MYT1: variants seen among roughly 807,000 people sequenced by gnomAD.
MYT1 encodes the protein myelin transcription factor 1.
A neutral mutation model predicts 123.0 loss-of-function variants in MYT1; 23 were observed. The observed-to-expected ratio is 0.19, with a 90% CI of 0.13 to 0.26. The LOEUF (loss-of-function observed/expected upper bound fraction) is 0.26. Among genes scored for constraint, MYT1 ranks in the 10% least tolerant of loss-of-function variants. The pLI is 1.00. For synonymous variants in MYT1, 518 were observed against 575.3 expected (o/e 0.90, Z 1.43); for missense variants, 1,125 against 1,472.5 (o/e 0.76, Z 3.86).
intron 1 of MYT1, among the ~76,000 whole-genome samples, chr20:64,170,882 TATAGAGAGAGAGAGAG>T (rs1319727056): frequency 3.9e-4 from 16 of 41,350 alleles, no homozygotes; most frequent in East Asian, 9.8e-4. Flanking sequence ...TATATATATA[TATAGAGAGAGAGAGAG>T]AGAGAGAGAG....
rs1983540827 is a variant in MYT1 at position 64,207,987 on chromosome 20, A to T, written c.791A>T (p.Glu264Val). 1 of 1,596,508 alleles carries T rather than the reference A, an allele frequency of 6.3e-7. No individual in the cohort carries two copies. The highest frequency in any genetic ancestry group is 1.7e-5 in the Admixed American group (1 of 58,116). The stretch of plus-strand genomic sequence containing the variant: ...AGTCACGAAGAGGAGGACGAGGAGG[A>T]GGAGGAGGAGGAAGAGGAGGAGGAG... ...ILSHEEEDEEEEEEEEEEEED... is the reference protein window; with the variant it reads ...ILSHEEEDEEVEEEEEEEEED... Residue 264 changes from glutamate to valine, a missense_variant, in exon 7 of 23, where the codon GAG becomes GTG. Transcript: ENST00000328439.
rs1234464108 is a variant in MYT1, at chr20:64,208,798, G to T, written c.1291+311G>T. 6.6e-6 allele frequency among the ~76,000 whole-genome samples: 1 copy of T among 152,228 alleles called. No homozygotes were observed. Among genetic ancestry groups the T allele is most frequent in the Non-Finnish European group, 1.5e-5 (1 of 68,042 alleles). On this transcript the variant is annotated intron_variant, in intron 7 of 22. Transcript: ENST00000328439. The surrounding 1 kb of genome is among the most constrained non-coding windows in gnomAD (Gnocchi z 5.4). Reference sequence around the variant, plus strand: ...CACAGCAGCATCTGGGGTCTGGAGAGGGTGGGGACCGTCCTGTCCCTTCCA... The same window carrying T: ...CACAGCAGCATCTGGGGTCTGGAGATGGTGGGGACCGTCCTGTCCCTTCCA...
intron 1 of MYT1, among the ~76,000 whole-genome samples, chr20:64,176,301 G>A (rs1982447843): frequency 8.9e-6 from 1 of 112,922 alleles, no homozygotes; most frequent in Admixed American, 8.7e-5. Context: ...ATCTTTCCCT[G>A]TAGTTGTGTC....
rs1242418962 is a variant in MYT1, at chr20:64,219,781, A to C, written c.2040A>C (p.Glu680Asp). The C allele has an allele frequency of 6.2e-7, 1 of 1,614,128 alleles. No individual in the cohort carries two copies. Among genetic ancestry groups the C allele is most frequent in the Non-Finnish European group, 8.5e-7 (1 of 1,180,022 alleles). The change falls in exon 13 of 23, where the codon GAA becomes GAC. Residue 680 changes from glutamate to aspartate, a missense_variant. Around this residue, in one of 4 missense-constraint regions of MYT1, gnomAD observed 429 missense variants for 604.1 expected, o/e 0.71. Transcript: ENST00000328439. Reference sequence around the variant, plus strand: ...GCATGCACAAACACCGCAAACGAGAAAATGCTTTCCCCAGCAGCAGCAGCT... The same window carrying C: ...GCATGCACAAACACCGCAAACGAGACAATGCTTTCCCCAGCAGCAGCAGCT... Reference protein sequence around the residue: ...DLSMHKHRKRENAFPSSSSCS... With the variant: ...DLSMHKHRKRDNAFPSSSSCS...
rs1482661433 is a variant in MYT1 at position 64,170,927 on chromosome 20, A to ACG, written c.-99+6188_-99+6189insCG. 2.7e-3 allele frequency among the ~76,000 whole-genome samples: 349 copies of ACG among 128,130 alleles called. 6 individuals are homozygous for ACG. Among genetic ancestry groups the ACG allele is most frequent in the African/African-American group, 8.5e-3 (270 of 31,642 alleles). 84.1% of individuals were successfully genotyped at this position (128,130 alleles called of 152,430 possible). On this transcript the variant is annotated intron_variant, in intron 1 of 22. Coordinates refer to ENST00000328439, the MANE Select transcript of MYT1 (RefSeq NM_004535.3). ...GAGAGAGAGAGAGAGAGAGAGAGAG[A>ACG]GAGAGAGACGGAGTCTTGCTCTGTT... is the stretch of plus-strand genomic sequence containing the variant.
rs927774639 is a variant in MYT1, at chr20:64,185,626, T to C, written c.-98-4437T>C. On this transcript the variant is annotated intron_variant, in intron 1 of 22. Transcript: ENST00000328439. The surrounding 1 kb of genome is among the most constrained non-coding windows in gnomAD (Gnocchi z 4.5). ...GAGCTAACTGCCACAGGGACTCCCA[T>C]CCGGAGGCCCAGGGGATGCACCATG... Among the ~76,000 whole-genome samples, 13 of 152,102 alleles carry C rather than the reference T, an allele frequency of 8.5e-5. No homozygotes were observed. Among genetic ancestry groups the C allele is most frequent in the African/African-American group, 3.1e-4 (13 of 41,418 alleles).
At chr20:64,181,441 T>C (rs1466562705) in intron 1 of MYT1, among the ~76,000 whole-genome samples, 1 of 152,232 alleles carries the variant, frequency 6.6e-6, no homozygotes, top group Middle Eastern at 3.2e-3. Flanking sequence ...TCTTTGACTC[T>C]ATCTCCCAAG....
In MYT1 at chr20:64,194,179, A is replaced by G. The variant is rs182123960; in HGVS notation, c.-1+4019A>G. Among the ~76,000 whole-genome samples the G allele has an allele frequency of 8.7e-4, 132 of 152,354 alleles. 2 individuals are homozygous for G. In the South Asian group the frequency reaches 0.014, roughly 16 times the overall value. On this transcript the variant is annotated intron_variant, in intron 2 of 22. Coordinates refer to ENST00000328439, the MANE Select transcript of MYT1 (RefSeq NM_004535.3). ...ACAATGACCTTACAACCATGAATGA[A>G]TGAGCTCATTTCAGATTGAGATGAG...
chr20:64,189,184 G>T lies in MYT1; in HGVS notation c.-98-879G>T, dbSNP rs1051294318. On this transcript the variant is annotated intron_variant, in intron 1 of 22. Coordinates refer to ENST00000328439, the MANE Select transcript of MYT1 (RefSeq NM_004535.3). The surrounding 1 kb of genome is among the most constrained non-coding windows in gnomAD (Gnocchi z 5.5). ...AAGAAAGAAAGTGGGTGGGAATAGC[G>T]TGCCTTCGGCAGAATCCAAACTCAC... 6.6e-6 allele frequency among the ~76,000 whole-genome samples: 1 copy of T among 152,222 alleles called. No individual in the cohort carries two copies. Among genetic ancestry groups the T allele is most frequent in the Non-Finnish European group, 1.5e-5 (1 of 68,046 alleles).
Position 64,189,563 on chromosome 20 carries a change from G to A in MYT1, c.-98-500G>A, listed in dbSNP as rs919361369. On this transcript the variant is annotated intron_variant, in intron 1 of 22. Transcript: ENST00000328439. This position sits in a 1 kb window ranked among gnomAD's most constrained non-coding sequence, Gnocchi z 5.5. The stretch of plus-strand genomic sequence containing the variant: ...GCAAAGCTGATTTGAGACCATGGGT[G>A]GATCTCACTTTCTTCAATCAATGGG... Among the ~76,000 whole-genome samples the A allele has an allele frequency of 6.6e-6, 1 of 152,158 alleles. No individual in the cohort carries two copies. The highest frequency in any genetic ancestry group is 2.4e-5 in the African/African-American group (1 of 41,432).
intron 16 of MYT1, 69 bp downstream of exon 16, chr20:64,223,428 T>G: frequency 6.4e-7 from 1 of 1,559,504 alleles, no homozygotes. Context: ...TCCATGAGGC[T>G]CCTGCCAAAA....
chr20:64,199,984 C>G, intron 4 of MYT1, 62 bp downstream of exon 4: 3 of 1,586,726 alleles, frequency 1.9e-6, no homozygotes, highest in Non-Finnish European at 2.6e-6. Context: ...TGGAGATATC[C>G]TAAATGTCCC....
intron 4 of MYT1, among the ~76,000 whole-genome samples, chr20:64,201,162 G>C (rs62219692): frequency 0.13 from 19,504 of 152,220 alleles, 1,349 homozygotes; most frequent in South Asian, 0.17. Flanking sequence ...AACAGATGGA[G>C]TGTGGAGGAA....
intron 5 of MYT1, 85 bp downstream of exon 5, chr20:64,205,182 C>T (rs1415507329): frequency 2.0e-6 from 3 of 1,491,060 alleles, no homozygotes; most frequent in African/African-American, 1.4e-5. Context: ...AACTTTCCAT[C>T]TTTTTCCATG....
chr20:64,223,505 G>A (rs908521881), intron 16 of MYT1, 146 bp downstream of exon 16: 1 of 893,512 alleles, frequency 1.1e-6, no homozygotes, highest in Non-Finnish European at 1.8e-6. Flanking sequence ...GAGGGGCAGG[G>A]CCGTGGAGGG....
chr20:64,202,175 G>A lies in MYT1; in HGVS notation c.86+2253G>A, dbSNP rs1005705445. On this transcript the variant is annotated intron_variant, in intron 4 of 22. Transcript: ENST00000328439. The surrounding 1 kb of genome is among the most constrained non-coding windows in gnomAD (Gnocchi z 5.0). ...TCGCCTCCCCACCAGCTCAGGCAGA[G>A]CTCCCAGGAAGACAGTCCATTGGTT... 1.3e-5 allele frequency among the ~76,000 whole-genome samples: 2 copies of A among 152,242 alleles called. No individual in the cohort carries two copies. The highest frequency in any genetic ancestry group is 2.9e-5 in the Non-Finnish European group (2 of 68,044).
intron 6 of MYT1, among the ~76,000 whole-genome samples, chr20:64,206,336 C>T (rs1258987487): frequency 1.3e-5 from 2 of 152,120 alleles, no homozygotes; most frequent in Admixed American, 6.5e-5. Context: ...CCCGGGGAGG[C>T]CAAGAGGGGA....
In MYT1 at chr20:64,232,215, C is replaced by T. The variant is rs145456935; in HGVS notation, c.2727C>T (p.Ala909=). The stretch of plus-strand genomic sequence containing the variant: ...TCGGTCACATCAGCGGGAAATACGC[C>T]TCTCACAGGAGCGCATCCGGCTGCC... The part of the protein sequence containing the change: ...VGLGHISGKY[A]SHRSASGCPL... The change falls in exon 19 of 23, where the codon GCC becomes GCT. Residue 909 remains alanine, a synonymous_variant. Coordinates refer to ENST00000328439, the MANE Select transcript of MYT1 (RefSeq NM_004535.3). This position sits in a 1 kb window ranked among gnomAD's most constrained non-coding sequence, Gnocchi z 6.9. 1.2e-6 allele frequency: 2 copies of T among 1,612,724 alleles called. No individual in the cohort carries two copies. The highest frequency in any genetic ancestry group is 2.7e-5 in the African/African-American group (2 of 74,776).
At chr20:64,211,819 T>C (rs1983675090) in intron 8 of MYT1, among the ~76,000 whole-genome samples, 1 of 152,082 alleles carries the variant, frequency 6.6e-6, no homozygotes, top group African/African-American at 2.4e-5. Flanking sequence ...GGGACCACAG[T>C]GGTGGTGGCG....
Sources: gnomAD v4.1 joint callset for allele counts (sites outside exome capture counted in the v4.1 genomes callset) on GRCh38, gnomAD v4.1.1 for gene constraint, gnomAD v4.1.1 regional missense constraint, Gnocchi (gnomAD v3.1) non-coding constraint, MANE v1.5 for transcripts, NCBI Gene and HGNC (gene_info 2026-07-23, HGNC 2026-07-21) for gene names.